Variants in SLC60A2 observed in about 807,000 individuals in gnomAD.
SLC60A2 encodes major facilitator superfamily domain containing 4B.
chr6:111,279,322 C>T, the SLC60A2 span, among the ~76,000 whole-genome samples: 6 of 150,142 alleles, frequency 4.0e-5, no homozygotes, highest in African/African-American at 7.4e-5. Context: ...AGTGCAGTGG[C>T]GCTATCTCAG....
chr6:111,268,794 G>A, the SLC60A2 span: 2 of 152,162 alleles, frequency 1.3e-5, no homozygotes, highest in African/African-American at 2.4e-5. Flanking sequence ...ACCGATCCAG[G>A]GTTTCTCTTT....
chr6:111,277,402 T>C, the SLC60A2 span, among the ~76,000 whole-genome samples: 1 of 152,348 alleles, frequency 6.6e-6, no homozygotes, highest in African/African-American at 2.4e-5. Flanking sequence ...GAGTGAGCTC[T>C]AAGAGGAGTC....
At chr6:111,259,502 G>A in the SLC60A2 span, 3 of 508,516 alleles carry the variant, frequency 5.9e-6, no homozygotes, top group Non-Finnish European at 1.0e-5. Flanking sequence ...GCTGAGAAGC[G>A]CGGCGGCAGC....
At chr6:111,266,377 C>T in the SLC60A2 span, 2 of 1,614,026 alleles carry the variant, frequency 1.2e-6, no homozygotes, top group Non-Finnish European at 8.5e-7. Context: ...GGGTTGAACT[C>T]CATCTTCTGG....
chr6:111,263,975 G>A, the SLC60A2 span: 4 of 1,163,526 alleles, frequency 3.4e-6, no homozygotes, highest in African/African-American at 1.5e-5. Context: ...GTCATCTCTG[G>A]GAGTAGGGAC....
At chr6:111,273,036 A>G in the SLC60A2 span, among the ~76,000 whole-genome samples, 6 of 150,608 alleles carry the variant, frequency 4.0e-5, no homozygotes, top group African/African-American at 1.5e-4. Flanking sequence ...TCACCATGTC[A>G]GCCAGGCTGG....
the SLC60A2 span, chr6:111,268,371 A>C: frequency 6.6e-6 from 1 of 152,238 alleles, no homozygotes; most frequent in Admixed American, 6.5e-5. Flanking sequence ...ACATTGTGAC[A>C]AAGTTTAATG....
the SLC60A2 span, among the ~76,000 whole-genome samples, chr6:111,276,321 A>G: frequency 6.6e-6 from 1 of 152,084 alleles, no homozygotes; most frequent in African/African-American, 2.4e-5. Context: ...TGGTAATTCT[A>G]TTTTTAATAT....
chr6:111,272,653 A>T, the SLC60A2 span, among the ~76,000 whole-genome samples: 1 of 151,412 alleles, frequency 6.6e-6, no homozygotes, highest in East Asian at 1.9e-4. Flanking sequence ...CTGGGATTAC[A>T]GGCATGTGTC....
the SLC60A2 span, chr6:111,267,186 G>A: frequency 7.0e-7 from 1 of 1,419,810 alleles, no homozygotes; most frequent in Non-Finnish European, 9.5e-7. Flanking sequence ...TCAGAGCAGA[G>A]CATTAGCAGA....
At chr6:111,265,596 AAG>A in the SLC60A2 span, among the ~76,000 whole-genome samples, 1 of 152,082 alleles carries the variant, frequency 6.6e-6, no homozygotes, top group Admixed American at 6.6e-5. Flanking sequence ...GTATTATAAA[AAG>A]CGTCTTGCTA....
chr6:111,262,117 A>AG, the SLC60A2 span: 33 of 557,398 alleles, frequency 5.9e-5, no homozygotes, highest in Non-Finnish European at 8.2e-5. Context: ...AACTAAAAAA[A>AG]CAGTAGTCTA....
chr6:111,262,388 A>G, the SLC60A2 span: 20 of 1,613,532 alleles, frequency 1.2e-5, no homozygotes, highest in Non-Finnish European at 1.7e-5. Context: ...TGATTGGTGG[A>G]TTTCTTGTCG....
the SLC60A2 span, among the ~76,000 whole-genome samples, chr6:111,279,942 A>G: frequency 6.6e-6 from 1 of 152,174 alleles, no homozygotes; most frequent in South Asian, 2.1e-4. Context: ...AAAATAGACT[A>G]CTCACTGTTT....
the SLC60A2 span, among the ~76,000 whole-genome samples, chr6:111,273,159 T>C: frequency 6.1e-4 from 93 of 152,198 alleles, 1 homozygote; most frequent in East Asian, 0.018. Flanking sequence ...GAAAAGATTA[T>C]ATGTTTTTTG....
At chr6:111,272,509 ATTT>A in the SLC60A2 span, among the ~76,000 whole-genome samples, 6 of 114,680 alleles carry the variant, frequency 5.2e-5, no homozygotes, top group Admixed American at 9.0e-5. Flanking sequence ...TTCTAACTGT[ATTT>A]TTTTTTTTTT....
the SLC60A2 span, chr6:111,270,710 T>A: frequency 6.6e-6 from 1 of 152,304 alleles, no homozygotes; most frequent in East Asian, 1.9e-4. Flanking sequence ...GCGGGCGTGG[T>A]GGCGGGTGCC....
the SLC60A2 span, chr6:111,263,981 G>T: frequency 9.0e-7 from 1 of 1,106,954 alleles, no homozygotes; most frequent in South Asian, 1.3e-5. Flanking sequence ...TCTGGGAGTA[G>T]GGACTTGCTA....
At chr6:111,262,131 C>A in the SLC60A2 span, 1 of 668,774 alleles carries the variant, frequency 1.5e-6, no homozygotes, top group South Asian at 2.5e-5. Flanking sequence ...TAGTCTAATT[C>A]CCTACATTAC....
Sources: allele counts gnomAD v4.1 joint callset (sites outside exome capture counted in the v4.1 genomes callset), GRCh38; gene constraint gnomAD v4.1.1; transcripts MANE v1.5; gene names NCBI Gene and HGNC (gene_info 2026-07-23, HGNC 2026-07-21).